CHRD: variants seen among roughly 807,000 people sequenced by gnomAD.
CHRD encodes the protein chordin.
Under a neutral mutation model 113.7 loss-of-function variants are expected in CHRD, and 69 were observed. The ratio of observed to expected loss-of-function variants is 0.61; its 90% CI spans 0.50 to 0.74. CHRD has a LOEUF of 0.74. Among genes scored for constraint, CHRD ranks in the 30% least tolerant of loss-of-function variants. CHRD has a pLI of 0.00. For synonymous variants in CHRD, 561 were observed against 540.8 expected, an observed-to-expected ratio of 1.04 and a Z score of -0.52; for missense variants, 1,194 against 1,295.8, an observed-to-expected ratio of 0.92 and a Z score of 1.21.
chr3:184,387,848 T>G lies in CHRD; in HGVS notation c.2452-83T>G. The G allele has an allele frequency of 1.6e-6, 2 of 1,231,964 alleles. No homozygotes were observed. Among genetic ancestry groups the G allele is most frequent in the Non-Finnish European group, 2.3e-6 (2 of 854,506 alleles). The allele number at this position is 1,231,964 out of a possible 1,614,324, so 76.3% of individuals were successfully genotyped here. On this transcript the variant is annotated intron_variant, in intron 19 of 22. Coordinates refer to ENST00000204604, the Ensembl canonical transcript of CHRD. This position sits in a 1 kb window ranked among gnomAD's most constrained non-coding sequence, Gnocchi z 6.1. ...GTAAAAGGCCACAGAGAGACTGCAT[T>G]TGAGGTGTGGAATAGGAGAGGGAGT... is the stretch of plus-strand genomic sequence containing the variant.
chr3:184,388,491 G>C lies in CHRD; in HGVS notation c.2555-96G>C. 1 of 1,396,538 alleles carries C rather than the reference G, an allele frequency of 7.2e-7. No individual in the cohort carries two copies. Among genetic ancestry groups the C allele is most frequent in the African/African-American group, 1.4e-5 (1 of 69,858 alleles). The allele number at this position is 1,396,538 out of a possible 1,614,324, so 86.5% of individuals were successfully genotyped here. A position where few individuals can be genotyped will look rare whatever the true frequency, so the allele number is the denominator to read the frequency against. On this transcript the variant is annotated intron_variant, in intron 20 of 22. Transcript: ENST00000204604. This position sits in a 1 kb window ranked among gnomAD's most constrained non-coding sequence, Gnocchi z 6.1. ...CCCATCCAAATTTATCACCTACTAA[G>C]TGCCAGAAACTGCAACGTGCTGGGT...
In CHRD at chr3:184,381,224, T is replaced by A. The variant is rs751722209; in HGVS notation, c.253-11T>A. ...GCACTCACTTGGGTTTCCCGCCTTT[T>A]CCGGGAGCAGCCTCAGTGGGGTCGC... On this transcript the variant is annotated splice_polypyrimidine_tract_variant and intron_variant, in intron 2 of 22. Transcript: ENST00000204604. This position sits in a 1 kb window ranked among gnomAD's most constrained non-coding sequence, Gnocchi z 4.7. 5 of 1,613,050 alleles carry A rather than the reference T, an allele frequency of 3.1e-6. No individual in the cohort carries two copies. In the East Asian group the frequency reaches 1.1e-4, roughly 36 times the overall value.
Position 184,386,548 on chromosome 3 carries a change from C to CGAGGGGGTGCGGGCGCT in CHRD, c.1991_2007dup (p.Gly670ArgfsTer25). Reference sequence around the variant, plus strand: ...GACTGCGCCTGGAGGCGGCCGGGGCCGAGGGGGTGCGGGCGCTGGGGGCTC... The same window carrying CGAGGGGGTGCGGGCGCT: ...GACTGCGCCTGGAGGCGGCCGGGGCCGAGGGGGTGCGGGCGCTGAGGGGGTGCGGGCGCTGGGGGCTC... On this transcript the variant is annotated frameshift_variant, in exon 16 of 23. Transcript: ENST00000204604. LOFTEE classifies it high-confidence loss of function. The CGAGGGGGTGCGGGCGCT allele has an allele frequency of 6.5e-7, 1 of 1,539,226 alleles. No homozygotes were observed. The highest frequency in any genetic ancestry group is 2.3e-5 in the Admixed American group (1 of 43,052).
At position 184,380,929 on chromosome 3, in the gene CHRD, A is replaced by G. The variant is rs1032747559; in HGVS notation, c.252+134A>G. On this transcript the variant is annotated intron_variant, in intron 2 of 22. Coordinates refer to ENST00000204604, the Ensembl canonical transcript of CHRD. The surrounding 1 kb of genome is among the most constrained non-coding windows in gnomAD (Gnocchi z 6.3). ...TTGGGGATATTTTTCTGGTGGAGGA[A>G]GGGGAATCAGCCCCTCCAATTCTTA... 6.5e-6 allele frequency: 5 copies of G among 772,826 alleles called. No homozygotes were observed. Among genetic ancestry groups the G allele is most frequent in the Non-Finnish European group, 1.1e-5 (5 of 456,606 alleles). The allele number at this position is 772,826 out of a possible 1,614,324, so 47.9% of individuals were successfully genotyped here. A position where few individuals can be genotyped will look rare whatever the true frequency, so the allele number is the denominator to read the frequency against.
At chr3:184,383,674 G>T in intron 12 of CHRD, 32 bp downstream of exon 12, 1 of 1,575,096 alleles carries the variant, frequency 6.3e-7, no homozygotes. Flanking sequence ...GGACCCCAGG[G>T]CCCAATGCAT....
chr3:184,388,952 G>A lies in CHRD; in HGVS notation c.2769G>A (p.Gly923=). ...CACTGCCACTGTCCTGTGGCTCGGG[G>A]AAGGAGAGTCGATGCTGTTCCCGCT... The change falls in exon 22 of 23, where the codon GGG becomes GGA. Residue 923 remains glycine, a synonymous_variant. Coordinates refer to ENST00000204604, the Ensembl canonical transcript of CHRD. This position sits in a 1 kb window ranked among gnomAD's most constrained non-coding sequence, Gnocchi z 6.1. The A allele has an allele frequency of 1.2e-6, 2 of 1,612,948 alleles. No individual in the cohort carries two copies. The highest frequency in any genetic ancestry group is 8.5e-7 in the Non-Finnish European group (1 of 1,179,940).
In CHRD at chr3:184,380,769, C is replaced by A. The variant is rs1193635610; in HGVS notation, c.226C>A (p.Arg76Ser). 2 of 1,598,684 alleles carry A rather than the reference C, an allele frequency of 1.3e-6. No homozygotes were observed. The highest frequency in any genetic ancestry group is 1.7e-6 in the Non-Finnish European group (2 of 1,176,982). The change falls in exon 2 of 23, where the codon CGC (arginine) becomes AGC (serine). Residue 76 changes from arginine to serine, a missense_variant. Transcript: ENST00000204604. The surrounding 1 kb of genome is among the most constrained non-coding windows in gnomAD (Gnocchi z 6.3). Reference sequence around the variant, plus strand: ...CCTAGGGGAGCCATTCGGGGTGATGCGCTGCGTGCTGTGCGCCTGCGAGGC... The same window carrying A: ...CCTAGGGGAGCCATTCGGGGTGATGAGCTGCGTGCTGTGCGCCTGCGAGGC...
rs1023580769 is a variant in CHRD, at chr3:184,380,515, G to A, written c.148+49G>A. On this transcript the variant is annotated intron_variant, in intron 1 of 22. Transcript: ENST00000204604. This position sits in a 1 kb window ranked among gnomAD's most constrained non-coding sequence, Gnocchi z 6.3. ...GCGGGCGGGGAGTCGGGCTCGGGGC[G>A]AGTCAGCGCCAGCCCGGAGGGGGCG... The A allele has an allele frequency of 2.7e-6, 3 of 1,118,238 alleles. No homozygotes were observed. Among genetic ancestry groups the A allele is most frequent in the South Asian group, 4.1e-5 (1 of 24,430 alleles). 69.3% of individuals were successfully genotyped at this position (1,118,238 alleles called of 1,614,324 possible).
chr3:184,382,068 C>G (rs765344648), intron 6 of CHRD, 48 bp downstream of exon 6: 4 of 1,603,738 alleles, frequency 2.5e-6, no homozygotes, highest in Admixed American at 1.7e-5. Flanking sequence ...GGCACTGTGC[C>G]GAGAGCATGC....
rs1285286664 is a variant in CHRD, at chr3:184,384,613, G to A, written c.1517G>A (p.Gly506Asp). The change falls in exon 13 of 23, where the codon GGC (glycine) becomes GAC (aspartate). Residue 506 changes from glycine (G) to aspartate (D), a missense_variant. Transcript: ENST00000204604. The surrounding 1 kb of genome is among the most constrained non-coding windows in gnomAD (Gnocchi z 4.4). The stretch of plus-strand genomic sequence containing the variant: ...CAGAATGAGCTCTTCCTGAACGTGG[G>A]CACCAAGGACTTCCCAGACGGAGAG... 1 of 1,609,738 alleles carries A rather than the reference G, an allele frequency of 6.2e-7. No homozygotes were observed.
Position 184,383,442 on chromosome 3 carries a change from G to T in CHRD, c.1320+24G>T. ...AGGTAAGAGCCAGGGGCTGCAGAAG[G>T]TGGGGGAGGGGTGGCGTGGGCAGCA... On this transcript the variant is annotated intron_variant, in intron 11 of 22. Coordinates refer to ENST00000204604, the Ensembl canonical transcript of CHRD. 1.9e-6 allele frequency: 3 copies of T among 1,613,574 alleles called. No homozygotes were observed. The South Asian group carries it at 3.3e-5, about 18-fold the overall frequency.
chr3:184,385,995 G>A, intron 14 of CHRD, 51 bp from the exon 15 acceptor site: 2 of 1,578,814 alleles, frequency 1.3e-6, no homozygotes, highest in Middle Eastern at 1.7e-4. Context: ...GGGGACAGTA[G>A]GCTCAGCCCT....
Position 184,388,608 on chromosome 3 carries a change from A to G in CHRD, c.2576A>G (p.Gln859Arg). ...ACAGTGGGGTCGGGGGCCCACCCCC[A>G]GCTGGGGGACCCCATGCAGGCTGAT... The change falls in exon 21 of 23, where the codon CAG (glutamine) becomes CGG (arginine). Residue 859 changes from glutamine (Q) to arginine (R), a missense_variant. Gln to Arg is a conservative substitution (Grantham distance 43, BLOSUM62 1). Coordinates refer to ENST00000204604, the Ensembl canonical transcript of CHRD. The surrounding 1 kb of genome is among the most constrained non-coding windows in gnomAD (Gnocchi z 6.1). The G allele has an allele frequency of 6.2e-7, 1 of 1,611,904 alleles. No homozygotes were observed. Among genetic ancestry groups the G allele is most frequent in the South Asian group, 1.1e-5 (1 of 91,058 alleles).
Position 184,387,971 on chromosome 3 carries a change from C to T in CHRD, c.2492C>T (p.Pro831Leu). Residue 831 changes from proline to leucine, a missense_variant, in exon 20 of 23, where the codon CCC (proline) becomes CTC (leucine). Transcript: ENST00000204604. This position sits in a 1 kb window ranked among gnomAD's most constrained non-coding sequence, Gnocchi z 6.1. ...GTGCACTGTGAGAAGGTGCAGTGTCCCCGGCTGGCCTGTGCCCAGCCTGTG... is the reference window on the plus strand; with the variant it reads ...GTGCACTGTGAGAAGGTGCAGTGTCTCCGGCTGGCCTGTGCCCAGCCTGTG... 1 of 1,613,616 alleles carries T rather than the reference C, an allele frequency of 6.2e-7. No homozygotes were observed. The highest frequency in any genetic ancestry group is 1.7e-4 in the Middle Eastern group (1 of 6,060).
Position 184,381,845 on chromosome 3 carries a change from C to A in CHRD, c.611+30C>A. The A allele has an allele frequency of 6.2e-7, 1 of 1,611,022 alleles. No homozygotes were observed. Among genetic ancestry groups the A allele is most frequent in the Non-Finnish European group, 8.5e-7 (1 of 1,178,420 alleles). On this transcript the variant is annotated intron_variant, in intron 5 of 22. Transcript: ENST00000204604. This position sits in a 1 kb window ranked among gnomAD's most constrained non-coding sequence, Gnocchi z 4.7. ...GAAAGGGGAAGGAGCAAGGAGGGGT[C>A]AGCTGCCGGGGCCCGGGAGGGAAAC... is the stretch of plus-strand genomic sequence containing the variant.
exon 17 of CHRD, chr3:184,386,869 G>T (rs1368444663): frequency 6.2e-7 from 1 of 1,614,212 alleles, no homozygotes; most frequent in South Asian, 1.1e-5. Flanking sequence ...CTGTGACCCG[G>T]TGGTGTGCCC....
Position 184,387,113 on chromosome 3 carries a change from C to T in CHRD, c.2347+6C>T. On this transcript the variant is annotated splice_donor_region_variant and intron_variant, in intron 18 of 22. Transcript: ENST00000204604. The surrounding 1 kb of genome is among the most constrained non-coding windows in gnomAD (Gnocchi z 6.1). ...GAGCCGGGACCCAGGAGAGGGTGAG[C>T]TGGAAGGGTGCGTGCAGGGTGGGAG... The T allele has an allele frequency of 1.2e-6, 2 of 1,613,244 alleles. No individual in the cohort carries two copies. Among genetic ancestry groups the T allele is most frequent in the Non-Finnish European group, 1.7e-6 (2 of 1,179,382 alleles).
chr3:184,385,291 A>C, intron 14 of CHRD, 53 bp downstream of exon 14: 1 of 1,399,382 alleles, frequency 7.1e-7, no homozygotes, highest in African/African-American at 1.4e-5. Context: ...TTTTAGCTTG[A>C]AGGGCTGTGT....
rs1716617423 is a variant in CHRD, at chr3:184,388,175, A to T, written c.2554+142A>T. 4.1e-6 allele frequency: 3 copies of T among 732,132 alleles called. No individual in the cohort carries two copies. Among genetic ancestry groups the T allele is most frequent in the Non-Finnish European group, 7.0e-6 (3 of 428,126 alleles). 45.4% of individuals were successfully genotyped at this position (732,132 alleles called of 1,614,324 possible). On this transcript the variant is annotated intron_variant, in intron 20 of 22. Coordinates refer to ENST00000204604, the Ensembl canonical transcript of CHRD. This position sits in a 1 kb window ranked among gnomAD's most constrained non-coding sequence, Gnocchi z 6.1. The stretch of plus-strand genomic sequence containing the variant: ...AGCCTGGAGCCAGGACTCTAAATGC[A>T]GTGGAAAGAATGTGATATACTAGTG...
Sources: allele counts gnomAD v4.1 joint callset, GRCh38; gene constraint gnomAD v4.1.1; non-coding constraint Gnocchi (gnomAD v3.1); transcripts MANE v1.5; gene names NCBI Gene and HGNC (gene_info 2026-07-23, HGNC 2026-07-21).